Variants in TTN observed in about 807,000 individuals in gnomAD.
TTN encodes titin, also known as connectin.
Under a neutral mutation model 3,223.0 loss-of-function variants are expected in TTN, and 1,525 were observed. The ratio of observed to expected loss-of-function variants is 0.47; its 90% CI spans 0.45 to 0.49. The LOEUF is 0.49. TTN is among the 20% of genes least tolerant of loss of function. The pLI, the probability that TTN is intolerant of heterozygous loss-of-function variation, is 0.00. For missense variants in TTN, 40,786 were observed against 43,424.0 expected (o/e 0.94, Z 5.40); for synonymous variants, 14,094 against 15,161.0 (o/e 0.93, Z 5.17).
In TTN at chr2:178,717,502, AG is replaced by A. The variant is rs749062982; in HGVS notation, c.25351+20del. On this transcript the variant is annotated intron_variant, in intron 87 of 362. Transcript: ENST00000589042. ...GCAGTGAAGCTGCTTTACAATGAAGAGGGTACTGTGAGTTACTCACCTGAGA... is the reference window on the plus strand; with the variant it reads ...GCAGTGAAGCTGCTTTACAATGAAGAGGTACTGTGAGTTACTCACCTGAGA... 8.2e-6 allele frequency: 13 copies of A among 1,577,940 alleles called. No homozygotes were observed. In the East Asian group the frequency reaches 2.9e-4, roughly 35 times the overall value.
At chr2:178,638,665 G>C (rs1445811414) in intron 223 of TTN, among the ~76,000 whole-genome samples, 1 of 150,928 alleles carries the variant, frequency 6.6e-6, no homozygotes, top group Non-Finnish European at 1.5e-5. Flanking sequence ...GAATATCTTA[G>C]ATTCTTCACA....
In TTN at chr2:178,560,545, A is replaced by G; in HGVS notation, c.85587T>C (p.Asn28529=). 4 of 1,613,360 alleles carry G rather than the reference A, an allele frequency of 2.5e-6. No homozygotes were observed. The highest frequency in any genetic ancestry group is 1.1e-5 in the South Asian group (1 of 91,054). ...CTAGGGGCTCACCAACACCATATTTATTAACACCAGTTACTCTAAATATAT... is the reference window on the plus strand; with the variant it reads ...CTAGGGGCTCACCAACACCATATTTGTTAACACCAGTTACTCTAAATATAT... ...NEYIFRVTGV[N]KYGVGEPLES... The change falls in exon 326 of 363, where the codon AAT becomes AAC. Residue 28529 remains asparagine, a synonymous_variant. Coordinates refer to ENST00000589042, the MANE Select transcript of TTN (RefSeq NM_001267550.2).
Position 178,741,250 on chromosome 2 carries a change from T to C in TTN, c.11983A>G (p.Thr3995Ala). 1 of 1,613,710 alleles carries C rather than the reference T, an allele frequency of 6.2e-7. No homozygotes were observed. The highest frequency in any genetic ancestry group is 8.5e-7 in the Non-Finnish European group (1 of 1,179,824). Reference protein sequence around the residue: ...TIIHNPNGSGTFIVNDPQRED... With the variant: ...TIIHNPNGSGAFIVNDPQRED... ...CTCTGAGGGTCATTGACAATGAAAG[T>C]TCCAGAGCCATTAGGGTTATGAATG... The change falls in exon 48 of 363, where the codon ACT (threonine) becomes GCT (alanine). Residue 3995 changes from threonine to alanine, a missense_variant. Coordinates refer to ENST00000589042, the MANE Select transcript of TTN (RefSeq NM_001267550.2).
intron 43 of TTN, 48 bp from the exon 44 acceptor site, chr2:178,759,220 T>C: frequency 6.3e-7 from 1 of 1,586,340 alleles, no homozygotes; most frequent in Non-Finnish European, 8.7e-7. Context: ...AATGAGTGGA[T>C]TTTTACAATT....
intron 170 of TTN, 35 bp from the exon 171 acceptor site, chr2:178,663,745 T>G (rs778588522): frequency 6.2e-7 from 1 of 1,612,448 alleles, no homozygotes; most frequent in Non-Finnish European, 8.5e-7. Context: ...ATTCAGAAGT[T>G]ATGAAGACCA....
rs2059913762 is a variant in TTN, at chr2:178,632,413, C to T, written c.43481G>A (p.Gly14494Glu). 2 of 1,574,962 alleles carry T rather than the reference C, an allele frequency of 1.3e-6. No individual in the cohort carries two copies. Among genetic ancestry groups the T allele is most frequent in the Non-Finnish European group, 1.7e-6 (2 of 1,165,258 alleles). The change falls in exon 236 of 363, where the codon GGA (glycine) becomes GAA (glutamate). Residue 14494 changes from glycine (G) to glutamate (E), a missense_variant and splice_region_variant. Physicochemically the swap from Gly to Glu is moderately conservative, Grantham distance 98 (BLOSUM62 -2). Transcript: ENST00000589042. ...KHTSGKLIIE[G>E]IRLKFLTPLK... Reference sequence around the variant, plus strand: ...AGGGGTGAGGAATTTGAGCCGGATTCCTATCAAGAAAAAAAAGAAAGAACT... The same window carrying T: ...AGGGGTGAGGAATTTGAGCCGGATTTCTATCAAGAAAAAAAAGAAAGAACT...
Position 178,545,853 on chromosome 2 carries a change from C to G in TTN, c.95383G>C (p.Glu31795Gln). Residue 31795 changes from glutamate (E) to glutamine (Q), a missense_variant, in exon 343 of 363, where the codon GAA (glutamate) becomes CAA (glutamine). Coordinates refer to ENST00000589042, the MANE Select transcript of TTN (RefSeq NM_001267550.2). ...VNKYGPGVPVESEPIVARNSF... is the reference protein window; with the variant it reads ...VNKYGPGVPVQSEPIVARNSF... Reference sequence around the variant, plus strand: ...TTTCTGGCTACAATTGGCTCTGATTCAACAGGCACACCAGGGCCATATTTG... The same window carrying G: ...TTTCTGGCTACAATTGGCTCTGATTGAACAGGCACACCAGGGCCATATTTG... 1 of 1,613,802 alleles carries G rather than the reference C, an allele frequency of 6.2e-7. No individual in the cohort carries two copies. The highest frequency in any genetic ancestry group is 8.5e-7 in the Non-Finnish European group (1 of 1,179,742).
At position 178,528,276 on chromosome 2, in the gene TTN, A is replaced by T; in HGVS notation, c.107375T>A (p.Leu35792His). The T allele has an allele frequency of 6.2e-7, 1 of 1,613,574 alleles. No individual in the cohort carries two copies. Among genetic ancestry groups the T allele is most frequent in the African/African-American group, 1.3e-5 (1 of 75,042 alleles). Residue 35792 changes from leucine (L) to histidine (H), a missense_variant and splice_region_variant, in exon 361 of 363, where the codon CTT (leucine) becomes CAT (histidine). Leu to His is a moderately conservative substitution (Grantham distance 99). Coordinates refer to ENST00000589042, the MANE Select transcript of TTN (RefSeq NM_001267550.2). ...QCSATASLMVLPLVEEPSREV... is the reference protein window; with the variant it reads ...QCSATASLMVHPLVEEPSREV... ...AAGAAGGGTGAGGAGATACTTACGA[A>T]GGACCATTAAGGAAGCTGTAGCTGA...
chr2:178,653,133 A>G lies in TTN; in HGVS notation c.38792-9T>C, dbSNP rs760780759. On this transcript the variant is annotated splice_polypyrimidine_tract_variant and intron_variant, in intron 198 of 362. Coordinates refer to ENST00000589042, the MANE Select transcript of TTN (RefSeq NM_001267550.2). ...TTTGGGAGCCTCTGGCACTTAAAAG[A>G]TATTAGGTAAAATTACATTTAGGGG... is the stretch of plus-strand genomic sequence containing the variant. 5 of 1,612,328 alleles carry G rather than the reference A, an allele frequency of 3.1e-6. No homozygotes were observed. The Admixed American group carries it at 6.7e-5, about 22-fold the overall frequency.
Position 178,575,655 on chromosome 2 carries a change from T to A in TTN, c.70477A>T (p.Thr23493Ser), listed in dbSNP as rs375675901. The A allele has an allele frequency of 7.4e-6, 12 of 1,613,536 alleles. No homozygotes were observed. Among genetic ancestry groups the A allele is most frequent in the African/African-American group, 6.7e-5 (5 of 74,908 alleles). The change falls in exon 326 of 363, where the codon ACA becomes TCA. Residue 23493 changes from threonine to serine, a missense_variant. Transcript: ENST00000589042. This position sits in a 1 kb window ranked among gnomAD's most constrained non-coding sequence, Gnocchi z 4.0. The part of the protein sequence containing the change: ...STATTKCHKC[T>S]YKVTGLSEGC... ...TCAGACAAGCCGGTAACTTTATATG[T>A]GCATTTATGGCACTTAGTGGTGGCT... is the stretch of plus-strand genomic sequence containing the variant.
At chr2:178,715,896 G>A in intron 88 of TTN, 122 bp from the exon 89 acceptor site, 1 of 922,208 alleles carries the variant, frequency 1.1e-6, no homozygotes, top group Non-Finnish European at 1.6e-6. Flanking sequence ...AATTTATGCA[G>A]TTCAAGGAAG....
chr2:178,778,834 A>G (rs758851559), intron 24 of TTN, 40 bp downstream of exon 24: 2 of 1,613,172 alleles, frequency 1.2e-6, no homozygotes, highest in East Asian at 4.5e-5. Flanking sequence ...TTTTGAAAAC[A>G]ATTTACATAC....
Position 178,799,851 on chromosome 2 carries a change from C to G in TTN, c.643G>C (p.Glu215Gln), listed in dbSNP as rs2093969624. 1 of 1,613,998 alleles carries G rather than the reference C, an allele frequency of 6.2e-7. No homozygotes were observed. The highest frequency in any genetic ancestry group is 1.7e-5 in the Admixed American group (1 of 60,012). The change falls in exon 5 of 363, where the codon GAA becomes CAA. Residue 215 changes from glutamate to glutamine, a missense_variant. Coordinates refer to ENST00000589042, the MANE Select transcript of TTN (RefSeq NM_001267550.2). ...KTIVSTAQISESRQTRIEKKI... is the reference protein window; with the variant it reads ...KTIVSTAQISQSRQTRIEKKI... ...TTTTCAATTCGGGTTTGTCTTGATT[C>G]TGAGATCTGAGCAGTCGAAACAATT...
Position 178,536,969 on chromosome 2 carries a change from C to T in TTN, c.100140G>A (p.Val33380=), listed in dbSNP as rs1241642277. 1 of 1,613,072 alleles carries T rather than the reference C, an allele frequency of 6.2e-7. No individual in the cohort carries two copies. Among genetic ancestry groups the T allele is most frequent in the Admixed American group, 1.7e-5 (1 of 59,956 alleles). The change falls in exon 356 of 363, where the codon GTG becomes GTA. Residue 33380 remains valine (V), a synonymous_variant. Transcript: ENST00000589042. ...GACTCTTAATGATCACAACTGAGGA[C>T]ACTTCTAGAGGGTCACTGATGCCGA... ...NTFGISDPLE[V]SSVVIIKSPF...
Position 178,592,488 on chromosome 2 carries a change from A to G in TTN, c.59517T>C (p.Gly19839=). Residue 19839 remains glycine (G), a synonymous_variant, in exon 301 of 363, where the codon GGT becomes GGC. Transcript: ENST00000589042. ...CAGCATTACGAATTTCAAGCTTGCTACCAACTGGAGTCACATCAATTCTTG... is the reference window on the plus strand; with the variant it reads ...CAGCATTACGAATTTCAAGCTTGCTGCCAACTGGAGTCACATCAATTCTTG... ...TKARIDVTPV[G]SKLEIRNAAH... The G allele has an allele frequency of 6.2e-7, 1 of 1,613,502 alleles. No homozygotes were observed. The highest frequency in any genetic ancestry group is 1.7e-5 in the Admixed American group (1 of 59,988).
At position 178,604,762 on chromosome 2, in the gene TTN, C is replaced by T. The variant is rs2054380537; in HGVS notation, c.54327G>A (p.Arg18109=). The T allele has an allele frequency of 6.2e-7, 1 of 1,612,076 alleles. No individual in the cohort carries two copies. The highest frequency in any genetic ancestry group is 1.1e-5 in the South Asian group (1 of 90,878). ...HYVIDKRDAS[R]KKAEWEEVTN... is the part of the protein sequence containing the mutation. Reference sequence around the variant, plus strand: ...TGACTTCCTCCCATTCTGCTTTCTTCCTACTTGCATCACGTTTGTCAATAA... The same window carrying T: ...TGACTTCCTCCCATTCTGCTTTCTTTCTACTTGCATCACGTTTGTCAATAA... Residue 18109 remains arginine (R), a synonymous_variant, in exon 281 of 363, where the codon AGG becomes AGA. Coordinates refer to ENST00000589042, the MANE Select transcript of TTN (RefSeq NM_001267550.2).
In TTN at chr2:178,570,435, C is replaced by A; in HGVS notation, c.75697G>T (p.Gly25233Cys). Reference protein sequence around the residue: ...TLAWKPPLQDGGSDIINYIVE... With the variant: ...TLAWKPPLQDCGSDIINYIVE... ...ATATAATTTATGATGTCACTCCCACCATCCTGAAGTGGGGGTTTCCAAGCT... is the reference window on the plus strand; with the variant it reads ...ATATAATTTATGATGTCACTCCCACAATCCTGAAGTGGGGGTTTCCAAGCT... Residue 25233 changes from glycine (G) to cysteine (C), a missense_variant, in exon 326 of 363, where the codon GGT becomes TGT. Gly to Cys is a radical substitution (Grantham distance 159). Coordinates refer to ENST00000589042, the MANE Select transcript of TTN (RefSeq NM_001267550.2). 1 of 1,613,218 alleles carries A rather than the reference C, an allele frequency of 6.2e-7. No individual in the cohort carries two copies. The highest frequency in any genetic ancestry group is 1.1e-5 in the South Asian group (1 of 91,070).
chr2:178,749,454 C>A (rs727503667), intron 47 of TTN: 1 of 1,612,832 alleles, frequency 6.2e-7, no homozygotes, highest in Non-Finnish European at 8.5e-7. Context: ...TCTATTTGCT[C>A]AATAGTCTCA....
Position 178,530,336 on chromosome 2 carries a change from G to A in TTN, c.106279C>T (p.Gln35427Ter), listed in dbSNP as rs1285334952. The change falls in exon 358 of 363, where the codon CAG becomes TAG. Residue 35427 changes from glutamine to a stop codon, truncating the protein, a stop_gained. Coordinates refer to ENST00000589042, the MANE Select transcript of TTN (RefSeq NM_001267550.2). LOFTEE classifies it high-confidence loss of function. ...CTGTCTGAAGAAACAGTTGTATCCT[G>A]CAACCCAGTAACAATTACTGGTTTT... The part of the protein sequence containing the change: ...SSKPVIVTGL[Q>*]DTTVSSDSVA... 2.5e-6 allele frequency: 4 copies of A among 1,613,834 alleles called. No individual in the cohort carries two copies. The highest frequency in any genetic ancestry group is 1.3e-5 in the African/African-American group (1 of 74,918).
Sources: allele counts gnomAD v4.1 joint callset (sites outside exome capture counted in the v4.1 genomes callset), GRCh38; gene constraint gnomAD v4.1.1; non-coding constraint Gnocchi (gnomAD v3.1); transcripts MANE v1.5; gene names NCBI Gene and HGNC (gene_info 2026-07-23, HGNC 2026-07-21).